SASS6: variants seen among roughly 807,000 people sequenced by gnomAD.
The protein encoded by SASS6 is SAS-6 centriolar assembly protein.
In SASS6, 59 loss-of-function variants were observed where a neutral mutation model predicts 94.9. The observed-to-expected ratio is 0.62, with a 90% confidence interval of 0.50 to 0.77. SASS6 has a LOEUF of 0.77. Among genes scored for constraint, SASS6 ranks in the 30% least tolerant of loss-of-function variants. The pLI is 0.00. For synonymous variants in SASS6, 264 were observed against 270.0 expected, an observed-to-expected ratio of 0.98 and a Z score of 0.22; for missense variants, 698 against 734.1, an observed-to-expected ratio of 0.95 and a Z score of 0.57.
chr1:100,124,689 G>GT (rs1297849357), intron 2 of SASS6, among the ~76,000 whole-genome samples: 2 of 152,146 alleles, frequency 1.3e-5, no homozygotes, highest in African/African-American at 2.4e-5. Context: ...CACAGATGCC[G>GT]TATTTCTTAG....
chr1:100,107,601 C>A (rs777706222), intron 10 of SASS6, 27 bp downstream of exon 10: 1 of 1,548,566 alleles, frequency 6.5e-7, no homozygotes, highest in Non-Finnish European at 8.8e-7. Context: ...TAATGAAATA[C>A]TAGTCTATAA....
intron 14 of SASS6, among the ~76,000 whole-genome samples, chr1:100,092,493 G>A (rs1651791143): frequency 1.3e-5 from 2 of 152,156 alleles, no homozygotes; most frequent in Admixed American, 1.3e-4. Flanking sequence ...AGGAATGAAG[G>A]AAAAGAACAA....
In SASS6 at chr1:100,105,810, C is replaced by T. The variant is rs1240486965; in HGVS notation, c.1502G>A (p.Ser501Asn). 2 of 1,613,158 alleles carry T rather than the reference C, an allele frequency of 1.2e-6. No individual in the cohort carries two copies. Among genetic ancestry groups the T allele is most frequent in the South Asian group, 1.1e-5 (1 of 90,948 alleles). ...GPSTTPPAHS[S>N]SNTIRSGISP... ...AATTCCACTTCTGATTGTGTTGCTG[C>T]TGGAATGTGCAGGCGGAGTAGTAGA... is the stretch of plus-strand genomic sequence containing the variant. The change falls in exon 13 of 17, where the codon AGC becomes AAC. Residue 501 changes from serine to asparagine, a missense_variant. Ser to Asn is a conservative substitution (Grantham distance 46). Transcript: ENST00000287482.
At chr1:100,113,281 A>G (rs991720548) in intron 7 of SASS6, among the ~76,000 whole-genome samples, 2 of 152,122 alleles carry the variant, frequency 1.3e-5, no homozygotes, top group African/African-American at 4.8e-5. Flanking sequence ...ATCGAACAAC[A>G]ACGTCAAGAA....
chr1:100,092,562 GT>G (rs916738090), intron 14 of SASS6, among the ~76,000 whole-genome samples: 4 of 151,918 alleles, frequency 2.6e-5, no homozygotes, highest in African/African-American at 2.4e-5. Flanking sequence ...CCACTCCAGA[GT>G]TTTTTTGTGT....
intron 14 of SASS6, among the ~76,000 whole-genome samples, chr1:100,098,252 C>T (rs1652240689): frequency 6.6e-6 from 1 of 151,414 alleles, no homozygotes; most frequent in African/African-American, 2.4e-5. Flanking sequence ...AATGTTAAAC[C>T]TCCCAAACAA....
chr1:100,109,051 G>T (rs896727074), intron 8 of SASS6, among the ~76,000 whole-genome samples: 2 of 151,662 alleles, frequency 1.3e-5, no homozygotes, highest in African/African-American at 4.8e-5. Flanking sequence ...ATTTTCATTA[G>T]ATCATATAAA....
At position 100,121,619 on chromosome 1, in the gene SASS6, T is replaced by C. The variant is rs1654206537; in HGVS notation, c.312-70A>G. On this transcript the variant is annotated intron_variant, in intron 4 of 16. Transcript: ENST00000287482. ...GAAAATCTCTCACTGAATCAGAAGC[T>C]TCTCTACTTAAGAAAGCTCAGGAAA... 5 of 875,692 alleles carry C rather than the reference T, an allele frequency of 5.7e-6. No homozygotes were observed. In the East Asian group the frequency reaches 1.3e-4, roughly 23 times the overall value. The allele number at this position is 875,692 out of a possible 1,614,324, so 54.2% of individuals were successfully genotyped here.
At chr1:100,109,436 C>T (rs640030) in intron 8 of SASS6, among the ~76,000 whole-genome samples, 118,496 of 151,784 alleles carry the variant, frequency 0.78, 47,713 homozygotes, top group East Asian at 0.94. Context: ...GTAATCAATG[C>T]CAAAGCAACA....
In SASS6 at chr1:100,120,452, T is replaced by A; in HGVS notation, c.491A>T (p.Lys164Ile). 1.4e-6 allele frequency: 2 copies of A among 1,403,998 alleles called. No individual in the cohort carries two copies. The highest frequency in any genetic ancestry group is 2.0e-6 in the Non-Finnish European group (2 of 989,362). The allele number at this position is 1,403,998 out of a possible 1,614,324, so 87.0% of individuals were successfully genotyped here. Residue 164 changes from lysine (K) to isoleucine (I), a missense_variant, in exon 6 of 17, where the codon AAA becomes ATA. Physicochemically the swap from Lys to Ile is moderately radical, Grantham distance 102 (BLOSUM62 -3). Transcript: ENST00000287482. ...AGCLKCSKEE[K>I]LSLMQSLDDA... ...ATCTAGTGATTGCATCAATGATAAT[T>A]TTTCTTCCTATTCATAAAAATAATA... is the stretch of plus-strand genomic sequence containing the variant.
intron 11 of SASS6, 29 bp from the exon 12 acceptor site, chr1:100,107,022 C>A: frequency 1.1e-6 from 1 of 940,460 alleles, no homozygotes; most frequent in Non-Finnish European, 1.7e-6. Flanking sequence ...CACAATAAGT[C>A]AAGCAAAATA....
intron 14 of SASS6, among the ~76,000 whole-genome samples, chr1:100,101,602 T>C (rs1207188650): frequency 6.6e-6 from 1 of 152,096 alleles, no homozygotes; most frequent in Non-Finnish European, 1.5e-5. Context: ...CAACTGTGAA[T>C]TCACTTATAA....
rs767025470 is a variant in SASS6 at position 100,088,177 on chromosome 1, T to C, written c.1734A>G (p.Gly578=). 3.7e-6 allele frequency: 6 copies of C among 1,606,306 alleles called. No individual in the cohort carries two copies. The highest frequency in any genetic ancestry group is 1.1e-5 in the South Asian group (1 of 90,888). ...PNASLGDVQS[G]ATISMPCSTD... ...TTGAGCAAGGCATACTAATAGTTGCTCCTGACTGAACATCTCCTAGTGATG... is the reference window on the plus strand; with the variant it reads ...TTGAGCAAGGCATACTAATAGTTGCCCCTGACTGAACATCTCCTAGTGATG... Residue 578 remains glycine, a synonymous_variant, in exon 15 of 17, where the codon GGA becomes GGG. Coordinates refer to ENST00000287482, the MANE Select transcript of SASS6 (RefSeq NM_194292.3).
In SASS6 at chr1:100,110,490, T is replaced by C; in HGVS notation, c.670-7A>G. 6.6e-7 allele frequency: 1 copy of C among 1,516,782 alleles called. No individual in the cohort carries two copies. The highest frequency in any genetic ancestry group is 8.9e-7 in the Non-Finnish European group (1 of 1,125,808). The allele number at this position is 1,516,782 out of a possible 1,614,324, so 94.0% of individuals were successfully genotyped here. ...GTTGATATTGAACCTGTGCCTATGA[T>C]ACAATAAAAATACAGTACCAAAATT... On this transcript the variant is annotated splice_region_variant and splice_polypyrimidine_tract_variant and intron_variant, in intron 7 of 16. Transcript: ENST00000287482.
At chr1:100,132,330 CA>C (rs1303158487) in intron 1 of SASS6, among the ~76,000 whole-genome samples, 1 of 152,084 alleles carries the variant, frequency 6.6e-6, no homozygotes, top group African/African-American at 2.4e-5. Context: ...CAACATACTT[CA>C]AAAGAGAACG....
chr1:100,107,170 G>A (rs1652970826), intron 11 of SASS6, among the ~76,000 whole-genome samples, 177 bp from the exon 12 acceptor site: 1 of 151,660 alleles, frequency 6.6e-6, no homozygotes, highest in Admixed American at 6.6e-5. Flanking sequence ...TACAAACATA[G>A]ACATACATGA....
intron 7 of SASS6, among the ~76,000 whole-genome samples, chr1:100,113,035 T>C (rs1653462223): frequency 6.6e-6 from 1 of 152,134 alleles, no homozygotes; most frequent in Non-Finnish European, 1.5e-5. Flanking sequence ...AAACAAATCC[T>C]TCAGTCACTC....
Position 100,119,127 on chromosome 1 carries a change from T to C in SASS6, c.560A>G (p.Glu187Gly), listed in dbSNP as rs144132362. ...QLDFTRKTLAEKKQELDKLRN... is the reference protein window; with the variant it reads ...QLDFTRKTLAGKKQELDKLRN... ...TAACTTATCTAATTCTTGTTTTTTTTCTGCTAATGTCTACATTAGAGTTTA... is the reference window on the plus strand; with the variant it reads ...TAACTTATCTAATTCTTGTTTTTTTCCTGCTAATGTCTACATTAGAGTTTA... Residue 187 changes from glutamate (E) to glycine (G), a missense_variant, in exon 7 of 17, where the codon GAA (glutamate) becomes GGA (glycine). By Grantham distance (98) the Glu-to-Gly change is moderately conservative. Coordinates refer to ENST00000287482, the MANE Select transcript of SASS6 (RefSeq NM_194292.3). 462 of 1,554,720 alleles carry C rather than the reference T, an allele frequency of 3.0e-4. 8 individuals carry two copies. The South Asian group carries it at 4.8e-3, about 16-fold the overall frequency.
At position 100,126,113 on chromosome 1, in the gene SASS6, T is replaced by C. The variant is rs114057168; in HGVS notation, c.66-171A>G. On this transcript the variant is annotated intron_variant, in intron 1 of 16. Transcript: ENST00000287482. ...GATTTGAAGCTTAATTTCTTCTTGT[T>C]CCACTAGTGAGTAATCTAGCAGTGT... Among the ~76,000 whole-genome samples the C allele has an allele frequency of 8.3e-3, 1,267 of 152,350 alleles. 11 individuals are homozygous for C. The highest frequency in any genetic ancestry group is 0.013 in the Non-Finnish European group (899 of 68,020).
Sources: allele counts gnomAD v4.1 joint callset (sites outside exome capture counted in the v4.1 genomes callset), GRCh38; gene constraint gnomAD v4.1.1; transcripts MANE v1.5; gene names NCBI Gene and HGNC (gene_info 2026-07-23, HGNC 2026-07-21).